The following TMEM143 variants were observed in gnomAD, a reference collection of about 807,000 sequenced individuals.
TMEM143 encodes the protein transmembrane protein 143.
A neutral mutation model predicts 40.3 loss-of-function variants in TMEM143; 45 were observed. The observed-to-expected ratio is 1.12, with a 90% CI of 0.88 to 1.43. TMEM143 has a LOEUF of 1.43. TMEM143 is among the 40% of genes most tolerant of loss of function. The probability of loss-of-function intolerance (pLI) is 0.00; values close to 1 mark genes in which losing one functional copy is unlikely to be tolerated. For missense variants in TMEM143, 620 were observed against 613.4 expected (o/e 1.01, Z -0.11); for synonymous variants, 299 against 282.7 (o/e 1.06, Z -0.58).
intron 3 of TMEM143, among the ~76,000 whole-genome samples, chr19:48,353,329 G>A (rs1312942114): frequency 2.0e-5 from 3 of 151,638 alleles, no homozygotes; most frequent in African/African-American, 7.3e-5. Flanking sequence ...ACAGGCGCCA[G>A]CCACCATGCC....
chr19:48,348,363 G>T (rs982555639), intron 3 of TMEM143, among the ~76,000 whole-genome samples: 1 of 151,926 alleles, frequency 6.6e-6, no homozygotes, highest in East Asian at 1.9e-4. Flanking sequence ...CAAGCAGACC[G>T]CACTTCACCC....
At chr19:48,351,366 T>C (rs1159376725) in intron 3 of TMEM143, among the ~76,000 whole-genome samples, 1 of 152,142 alleles carries the variant, frequency 6.6e-6, no homozygotes, top group Non-Finnish European at 1.5e-5. Context: ...TTCTCAACCC[T>C]TGGTCTCAGC....
Position 48,342,826 on chromosome 19 carries a change from G to C in TMEM143, c.696-17C>G. On this transcript the variant is annotated splice_polypyrimidine_tract_variant and intron_variant, in intron 5 of 7. Transcript: ENST00000293261. ...AAGTATCTCCTGAGGGACAGAGACA[G>C]AGGCAGGAGCAGGATCGGGACTGCA... The C allele has an allele frequency of 6.3e-7, 1 of 1,585,122 alleles. No individual in the cohort carries two copies. Among genetic ancestry groups the C allele is most frequent in the Non-Finnish European group, 8.6e-7 (1 of 1,160,552 alleles).
At position 48,333,371 on chromosome 19, in the gene TMEM143, C is replaced by T. The variant is rs760736820; in HGVS notation, c.1228G>A (p.Val410Met). The T allele has an allele frequency of 5.5e-5, 89 of 1,608,760 alleles. No homozygotes were observed. In the Admixed American group the frequency reaches 1.5e-3, roughly 27 times the overall value. ...NWLLAKSGCE[V>M]TFNGTRALAH... The stretch of plus-strand genomic sequence containing the variant: ...AGGGCCCGAGTTCCGTTGAAGGTCA[C>T]CTCACAGCCTGACTTGGCTAGGAGC... The change falls in exon 8 of 8, where the codon GTG becomes ATG. Residue 410 changes from valine to methionine, a missense_variant. Val to Met is a conservative substitution (Grantham distance 21). Coordinates refer to ENST00000293261, the MANE Select transcript of TMEM143 (RefSeq NM_018273.4). The surrounding 1 kb of genome is among the most constrained non-coding windows in gnomAD (Gnocchi z 4.1).
intron 6 of TMEM143, among the ~76,000 whole-genome samples, chr19:48,339,183 G>A (rs1969435087): frequency 6.6e-6 from 1 of 152,174 alleles, no homozygotes; most frequent in Admixed American, 6.5e-5. Flanking sequence ...AGGGGGCACA[G>A]AGGTGGGACA....
intron 4 of TMEM143, 31 bp downstream of exon 4, chr19:48,345,129 G>A (rs1419845589): frequency 6.2e-7 from 1 of 1,606,826 alleles, no homozygotes; most frequent in Admixed American, 1.7e-5. Flanking sequence ...GAGGCCTCCT[G>A]GGAGTTTTGT....
At chr19:48,348,983 C>T (rs1435658374) in intron 3 of TMEM143, among the ~76,000 whole-genome samples, 1 of 151,980 alleles carries the variant, frequency 6.6e-6, no homozygotes, top group Non-Finnish European at 1.5e-5. Context: ...TGAAACCAGC[C>T]TGGGCAACAC....
At chr19:48,356,878 G>A (rs1361315870) in intron 3 of TMEM143, among the ~76,000 whole-genome samples, 2 of 145,764 alleles carry the variant, frequency 1.4e-5, no homozygotes, top group East Asian at 4.1e-4. Flanking sequence ...ACAGGCGTGA[G>A]CCACAGCACC....
chr19:48,361,943 G>A (rs375788908), intron 2 of TMEM143, among the ~76,000 whole-genome samples: 10 of 152,232 alleles, frequency 6.6e-5, no homozygotes, highest in East Asian at 1.9e-4. Context: ...GGAGGGCTAC[G>A]GTGAGAATTT....
At chr19:48,347,532 G>T (rs1177769026) in intron 3 of TMEM143, among the ~76,000 whole-genome samples, 2 of 151,492 alleles carry the variant, frequency 1.3e-5, no homozygotes, top group Non-Finnish European at 2.9e-5. Context: ...TGGCAACACG[G>T]TGAAATCCTG....
intron 2 of TMEM143, among the ~76,000 whole-genome samples, chr19:48,361,884 C>G (rs566519706): frequency 1.7e-4 from 26 of 152,302 alleles, no homozygotes; most frequent in African/African-American, 5.8e-4. Flanking sequence ...CTTCACTTCT[C>G]TGAGCCTCAG....
At chr19:48,358,770 T>C (rs1969967915) in intron 3 of TMEM143, among the ~76,000 whole-genome samples, 1 of 152,212 alleles carries the variant, frequency 6.6e-6, no homozygotes, top group Non-Finnish European at 1.5e-5. Context: ...TGATAGTCTG[T>C]TCCCTACACT....
At position 48,344,282 on chromosome 19, in the gene TMEM143, G is replaced by A. The variant is rs375752744; in HGVS notation, c.565-831C>T. 1.8e-4 allele frequency among the ~76,000 whole-genome samples: 27 copies of A among 150,552 alleles called. No individual in the cohort carries two copies. In the South Asian group the frequency reaches 5.3e-3, roughly 30 times the overall value. On this transcript the variant is annotated intron_variant, in intron 4 of 7. Coordinates refer to ENST00000293261, the MANE Select transcript of TMEM143 (RefSeq NM_018273.4). ...TTAATGTGTCTCTCTGTGTGTGTGT[G>A]TTTTGTTTTGTTTTTTTGAGACAGG...
At position 48,363,535 on chromosome 19, in the gene TMEM143, A is replaced by T; in HGVS notation, c.24-4T>A. ...GGCTAGACCCTTTCCCCGGAGCCTA[A>T]ACAGAGGAAAATGGGCAGGGGTCAA... On this transcript the variant is annotated splice_region_variant and splice_polypyrimidine_tract_variant and intron_variant, in intron 1 of 7. Coordinates refer to ENST00000293261, the MANE Select transcript of TMEM143 (RefSeq NM_018273.4). 6.3e-7 allele frequency: 1 copy of T among 1,595,846 alleles called. No homozygotes were observed. Among genetic ancestry groups the T allele is most frequent in the East Asian group, 2.2e-5 (1 of 44,580 alleles).
In TMEM143 at chr19:48,345,261, G is replaced by A. The variant is rs144524016; in HGVS notation, c.463C>T (p.Arg155Trp). The change falls in exon 4 of 8, where the codon CGG becomes TGG. Residue 155 changes from arginine (R) to tryptophan (W), a missense_variant. Physicochemically the swap from Arg to Trp is moderately radical, Grantham distance 101. Transcript: ENST00000293261. Reference protein sequence around the residue: ...QRLSNEQEVLRALEPLLAQAN... With the variant: ...QRLSNEQEVLWALEPLLAQAN... ...TGGGCCAGCAGGGGCTCCAGAGCCC[G>A]AAGCACCTCCTGCTCATTAGACAGA... The A allele has an allele frequency of 1.4e-4, 231 of 1,613,050 alleles. No individual in the cohort carries two copies. The East Asian group carries it at 4.8e-3, about 34-fold the overall frequency.
At position 48,334,312 on chromosome 19, in the gene TMEM143, G is replaced by A. The variant is rs570376080; in HGVS notation, c.976-115C>T. 19 of 1,164,562 alleles carry A rather than the reference G, an allele frequency of 1.6e-5. No individual in the cohort carries two copies. In the East Asian group the frequency reaches 2.1e-4, roughly 13 times the overall value. 72.1% of individuals were successfully genotyped at this position (1,164,562 alleles called of 1,614,324 possible). ...ACGCCGCTTACTCCCCTGAGGAGGC[G>A]GGGAGGTCCTACCCAGACCTCTTCA... is the stretch of plus-strand genomic sequence containing the variant. On this transcript the variant is annotated intron_variant, in intron 6 of 7. Transcript: ENST00000293261.
At chr19:48,341,828 G>A (rs757208142) in intron 6 of TMEM143, among the ~76,000 whole-genome samples, 23 of 152,060 alleles carry the variant, frequency 1.5e-4, no homozygotes, top group African/African-American at 2.2e-4. Context: ...CCCTAAAGCC[G>A]GCACTCAGTG....
intron 3 of TMEM143, among the ~76,000 whole-genome samples, chr19:48,350,767 C>T (rs1000895150): frequency 2.6e-5 from 4 of 151,494 alleles, no homozygotes; most frequent in Non-Finnish European, 5.9e-5. Context: ...ACTGAAAATA[C>T]AAAAATTAGC....
intron 3 of TMEM143, among the ~76,000 whole-genome samples, chr19:48,346,915 T>C (rs16982014): frequency 0.039 from 5,957 of 152,130 alleles, 390 homozygotes; most frequent in African/African-American, 0.14. Context: ...CACATGGCCA[T>C]TGGGAAGAAC....
Sources: gnomAD v4.1 joint callset for allele counts (sites outside exome capture counted in the v4.1 genomes callset) on GRCh38, gnomAD v4.1.1 for gene constraint, Gnocchi (gnomAD v3.1) non-coding constraint, MANE v1.5 for transcripts, NCBI Gene and HGNC (gene_info 2026-07-23, HGNC 2026-07-21) for gene names.